The following FLRT2 variants were observed in gnomAD, a reference collection of about 807,000 sequenced individuals.
FLRT2 encodes the protein fibronectin leucine rich transmembrane protein 2.
A neutral mutation model predicts 40.0 loss-of-function variants in FLRT2; 15 were observed. The observed-to-expected ratio is 0.38, with a 90% CI of 0.25 to 0.58. The LOEUF is 0.58. Ranked by LOEUF, FLRT2 falls within the 20% of genes least tolerant of loss-of-function variation. The probability of loss-of-function intolerance (pLI) is 0.71; values close to 1 mark genes in which losing one functional copy is unlikely to be tolerated. For synonymous variants in FLRT2, 380 were observed against 336.8 expected (o/e 1.13, Z -1.41); for missense variants, 726 against 840.0 (o/e 0.86, Z 1.68).
At chr14:85,593,310 G>A (rs907828842) in intron 1 of FLRT2, among the ~76,000 whole-genome samples, 2 of 152,152 alleles carry the variant, frequency 1.3e-5, no homozygotes, top group African/African-American at 4.8e-5. Flanking sequence ...TGTGTGTCCA[G>A]TTCTGTGTGA....
At chr14:85,584,942 G>A (rs1566740268) in intron 1 of FLRT2, among the ~76,000 whole-genome samples, 1 of 151,814 alleles carries the variant, frequency 6.6e-6, no homozygotes, top group Admixed American at 6.6e-5. Context: ...CAGGGCGGGG[G>A]GAAGGTAGAA....
intron 1 of FLRT2, among the ~76,000 whole-genome samples, chr14:85,581,757 T>C (rs1891393936): frequency 1.3e-5 from 2 of 152,226 alleles, no homozygotes; most frequent in South Asian, 4.1e-4. Flanking sequence ...GTGTATTTAT[T>C]TATGGGGCTT....
At chr14:85,580,554 G>A (rs749501619) in intron 1 of FLRT2, among the ~76,000 whole-genome samples, 3 of 152,226 alleles carry the variant, frequency 2.0e-5, no homozygotes, top group African/African-American at 4.8e-5. Flanking sequence ...ATAGAGTTTC[G>A]TTAAAGTTAA....
At chr14:85,597,758 A>T (rs1295963121) in intron 1 of FLRT2, among the ~76,000 whole-genome samples, 1 of 152,216 alleles carries the variant, frequency 6.6e-6, no homozygotes, top group Non-Finnish European at 1.5e-5. Flanking sequence ...TATTTGGTTT[A>T]AACAACTTGT....
At chr14:85,543,754 C>T (rs1227377420) in intron 1 of FLRT2, among the ~76,000 whole-genome samples, 1 of 152,092 alleles carries the variant, frequency 6.6e-6, no homozygotes, top group East Asian at 1.9e-4. Flanking sequence ...TACCATTTAC[C>T]TAGAACATTA....
chr14:85,612,583 AG>A (rs1892937879), intron 1 of FLRT2, among the ~76,000 whole-genome samples: 1 of 152,126 alleles, frequency 6.6e-6, no homozygotes, highest in African/African-American at 2.4e-5. Context: ...AAAGAAGGAG[AG>A]GGTCAAGGAT....
At chr14:85,537,335 T>A (rs1888717986) in intron 1 of FLRT2, among the ~76,000 whole-genome samples, 1 of 152,146 alleles carries the variant, frequency 6.6e-6, no homozygotes, top group South Asian at 2.1e-4. Flanking sequence ...TATTTGGGGA[T>A]ATGGAATTTT....
chr14:85,631,112 T>TTATATATATATTATATA lies in FLRT2; in HGVS notation c.*7626_*7627insTATATATATATATATAT, dbSNP rs1491177627. The TTATATATATATTATATA allele has an allele frequency of 4.4e-5, 4 of 91,886 alleles. No homozygotes were observed. Among genetic ancestry groups the TTATATATATATTATATA allele is most frequent in the Admixed American group, 1.3e-4 (1 of 7,464 alleles). The allele number at this position is 91,886 out of a possible 1,614,324, so 5.7% of individuals were successfully genotyped here. A position where few individuals can be genotyped will look rare whatever the true frequency, so the allele number is the denominator to read the frequency against. On this transcript the variant is annotated 3_prime_UTR_variant, in exon 2 of 2. Coordinates refer to ENST00000330753, the MANE Select transcript of FLRT2 (RefSeq NM_013231.6). ...TATAATTACATATATAATCTAGATT[T>TTATATATATATTATATA]TATATATATATATATATGAAATGAG...
intron 1 of FLRT2, among the ~76,000 whole-genome samples, chr14:85,607,907 A>G (rs1892694562): frequency 6.6e-6 from 1 of 152,194 alleles, no homozygotes; most frequent in Non-Finnish European, 1.5e-5. Context: ...AGCTGTCGGC[A>G]GGGCTGGTTT....
Position 85,631,017 on chromosome 14 carries a change from T to C in FLRT2, c.*7520T>C, listed in dbSNP as rs1235452577. On this transcript the variant is annotated 3_prime_UTR_variant, in exon 2 of 2. Coordinates refer to ENST00000330753, the MANE Select transcript of FLRT2 (RefSeq NM_013231.6). The stretch of plus-strand genomic sequence containing the variant: ...TCTTTGTGTGACTTATGTATCCTAC[T>C]ACATGTTGCTCCCTGACATTTCTTA... 2.0e-5 allele frequency: 3 copies of C among 150,398 alleles called. No individual in the cohort carries two copies. Among genetic ancestry groups the C allele is most frequent in the Non-Finnish European group, 4.4e-5 (3 of 67,818 alleles). The allele number at this position is 150,398 out of a possible 1,614,324, so 9.3% of individuals were successfully genotyped here. A position where few individuals can be genotyped will look rare whatever the true frequency, so the allele number is the denominator to read the frequency against.
At position 85,651,690 on chromosome 14, in the gene FLRT2, G is replaced by A. The variant is rs780636829; in HGVS notation, c.*28193G>A. 4.0e-5 allele frequency: 6 copies of A among 151,660 alleles called. No homozygotes were observed. Among genetic ancestry groups the A allele is most frequent in the South Asian group, 2.1e-4 (1 of 4,824 alleles). The allele number at this position is 151,660 out of a possible 1,614,324, so 9.4% of individuals were successfully genotyped here. A position where few individuals can be genotyped will look rare whatever the true frequency, so the allele number is the denominator to read the frequency against. On this transcript the variant is annotated 3_prime_UTR_variant, in exon 2 of 2. Transcript: ENST00000330753. ...GACTTTTATTTTGGCTGATATTTTC[G>A]TTACTTTTTTCTTATTTTTATCCTT...
chr14:85,634,431 G>A lies in FLRT2; in HGVS notation c.*10934G>A, dbSNP rs1893953409. ...TTTACATAACTGCCCTCATTAGTTGGAATATAGCATGCTTTACTAGTGTAT... is the reference window on the plus strand; with the variant it reads ...TTTACATAACTGCCCTCATTAGTTGAAATATAGCATGCTTTACTAGTGTAT... On this transcript the variant is annotated 3_prime_UTR_variant, in exon 2 of 2. Transcript: ENST00000330753. The A allele has an allele frequency of 6.6e-6, 1 of 152,140 alleles. No homozygotes were observed. The highest frequency in any genetic ancestry group is 2.4e-5 in the African/African-American group (1 of 41,442). The allele number at this position is 152,140 out of a possible 1,614,324, so 9.4% of individuals were successfully genotyped here.
Position 85,631,873 on chromosome 14 carries a change from T to G in FLRT2, c.*8376T>G, listed in dbSNP as rs1358484633. 6.6e-6 allele frequency: 1 copy of G among 152,050 alleles called. No homozygotes were observed. The highest frequency in any genetic ancestry group is 2.4e-5 in the African/African-American group (1 of 41,402). 9.4% of individuals were successfully genotyped at this position (152,050 alleles called of 1,614,324 possible). On this transcript the variant is annotated 3_prime_UTR_variant, in exon 2 of 2. Coordinates refer to ENST00000330753, the MANE Select transcript of FLRT2 (RefSeq NM_013231.6). ...TTGGAGTCTCACTCTGTCACCAGAT[T>G]GGAGTGCAGTGGCACAAGCTCGGCT...
At chr14:85,568,738 T>C (rs1890750294) in intron 1 of FLRT2, among the ~76,000 whole-genome samples, 1 of 152,230 alleles carries the variant, frequency 6.6e-6, no homozygotes, top group African/African-American at 2.4e-5. Flanking sequence ...CTGCTCTCTC[T>C]CCCTATTTCT....
intron 1 of FLRT2, among the ~76,000 whole-genome samples, chr14:85,572,185 G>A (rs1890921405): frequency 6.6e-6 from 1 of 151,984 alleles, no homozygotes; most frequent in South Asian, 2.1e-4. Context: ...CATAAACCTA[G>A]GATTTCCTTT....
At chr14:85,602,318 T>G (rs1464329305) in intron 1 of FLRT2, among the ~76,000 whole-genome samples, 1 of 152,224 alleles carries the variant, frequency 6.6e-6, no homozygotes, top group Non-Finnish European at 1.5e-5. Flanking sequence ...ACCACAACCT[T>G]AGAATAGTCC....
At position 85,638,717 on chromosome 14, in the gene FLRT2, T is replaced by C. The variant is rs768480690; in HGVS notation, c.*15220T>C. On this transcript the variant is annotated 3_prime_UTR_variant, in exon 2 of 2. Transcript: ENST00000330753. ...ACTTATTGAGCAGAGCGAAGTAACA[T>C]TAATTTGTGTTATAACCACTGAATG... 1.1e-4 allele frequency: 17 copies of C among 152,220 alleles called. No homozygotes were observed. The highest frequency in any genetic ancestry group is 3.4e-3 in the Middle Eastern group (1 of 294). The allele number at this position is 152,220 out of a possible 1,614,324, so 9.4% of individuals were successfully genotyped here. A position where few individuals can be genotyped will look rare whatever the true frequency, so the allele number is the denominator to read the frequency against.
intron 1 of FLRT2, among the ~76,000 whole-genome samples, chr14:85,608,500 C>G (rs1892725674): frequency 6.6e-6 from 1 of 152,248 alleles, no homozygotes; most frequent in African/African-American, 2.4e-5. Flanking sequence ...TCCCAAAGTG[C>G]TAGGATTACA....
rs1254724780 is a variant in FLRT2 at position 85,539,798 on chromosome 14, GTTTTAT to G, written c.-377+9265_-377+9270del. The stretch of plus-strand genomic sequence containing the variant: ...CCTGTCTTGTGCTATGATAGACTAG[GTTTTAT>G]ATAAATAAAATGGTAACCAAGACAG... On this transcript the variant is annotated intron_variant, in intron 1 of 1. Transcript: ENST00000330753. 1.1e-3 allele frequency among the ~76,000 whole-genome samples: 172 copies of G among 152,246 alleles called. 1 individual carries two copies. Among genetic ancestry groups the G allele is most frequent in the Non-Finnish European group, 9.9e-4 (67 of 68,014 alleles).
Sources: gnomAD v4.1 joint callset for allele counts (sites outside exome capture counted in the v4.1 genomes callset) on GRCh38, gnomAD v4.1.1 for gene constraint, MANE v1.5 for transcripts, NCBI Gene and HGNC (gene_info 2026-07-23, HGNC 2026-07-21) for gene names.